The following PUDP variants were observed in gnomAD, a reference collection of about 807,000 sequenced individuals.
PUDP encodes the protein pseudouridine 5'-phosphatase.
Under a neutral mutation model 9.4 loss-of-function variants are expected in PUDP, and 8 were observed. The ratio of observed to expected loss-of-function variants is 0.85; its 90% CI spans 0.50 to 1.53. The LOEUF is 1.53. Among genes scored for constraint, PUDP ranks in the 40% most tolerant of loss-of-function variants. The probability of loss-of-function intolerance (pLI) is 0.00; values close to 1 mark genes in which losing one functional copy is unlikely to be tolerated. For missense variants in PUDP, 188 were observed against 189.7 expected (o/e 0.99, Z 0.05); for synonymous variants, 99 against 80.7 (o/e 1.23, Z -1.22).
Position 6,955,288 on chromosome X carries a change from G to A in PUDP, c.*247+21845C>T, listed in dbSNP as rs1209645780. Among the ~76,000 whole-genome samples, 4 of 107,890 alleles carry A rather than the reference G, an allele frequency of 3.7e-5. No individual in the cohort carries two copies. In the East Asian group the frequency reaches 8.7e-4, roughly 23 times the overall value. The allele number at this position is 107,890 out of a possible 115,157, so 93.7% of individuals were successfully genotyped here. On this transcript the variant is annotated intron_variant and NMD_transcript_variant, in intron 3 of 3. Coordinates refer to the PUDP transcript ENST00000655425. ...CAGGCTAGAGTGCAGTGGCATGATCGTTGCTCACTGCATCCTCCAACTCCT... is the reference window on the plus strand; with the variant it reads ...CAGGCTAGAGTGCAGTGGCATGATCATTGCTCACTGCATCCTCCAACTCCT...
intron 3 of PUDP, among the ~76,000 whole-genome samples, chrX:6,826,581 C>G (rs1392576437): frequency 1.8e-5 from 2 of 111,851 alleles, no homozygotes; most frequent in Non-Finnish European, 3.8e-5. Context: ...CCACACTAAA[C>G]TTATATAGAT....
intron 3 of PUDP, among the ~76,000 whole-genome samples, chrX:6,945,309 A>C (rs2146778962): frequency 8.9e-6 from 1 of 112,146 alleles, no homozygotes; most frequent in South Asian, 3.7e-4. Flanking sequence ...ACAAAGTTGA[A>C]GGAGAGACTT....
chrX:6,996,405 C>T (rs1929250191), intron 1 of PUDP, among the ~76,000 whole-genome samples: 1 of 110,602 alleles, frequency 9.0e-6, no homozygotes, highest in Non-Finnish European at 1.9e-5. Flanking sequence ...GGGAATCATT[C>T]CAACTTCCAA....
At chrX:6,912,067 G>A (rs1246828206) in intron 3 of PUDP, among the ~76,000 whole-genome samples, 1 of 111,271 alleles carries the variant, frequency 9.0e-6, no homozygotes, top group Admixed American at 9.6e-5. Flanking sequence ...TGAAGTTATG[G>A]GTCAAATGGA....
chrX:6,938,793 T>C (rs1928353509), intron 3 of PUDP, among the ~76,000 whole-genome samples: 1 of 103,572 alleles, frequency 9.7e-6, no homozygotes, highest in Non-Finnish European at 2.0e-5. Context: ...TTTCTTTTTT[T>C]TTTTTTTTTT....
intron 1 of PUDP, among the ~76,000 whole-genome samples, chrX:6,992,341 C>T (rs1183037593): frequency 1.3e-4 from 10 of 76,713 alleles, no homozygotes; most frequent in Admixed American, 1.5e-4. Context: ...GGCGCAATCT[C>T]GGCTCACTGC....
chrX:7,136,236 T>C (rs1404255881), intron 1 of PUDP, among the ~76,000 whole-genome samples: 3 of 111,959 alleles, frequency 2.7e-5, no homozygotes, highest in African/African-American at 9.8e-5. Flanking sequence ...CCAGATGGAT[T>C]CAGGTTAACC....
At chrX:6,905,996 T>A (rs182357943) in intron 3 of PUDP, among the ~76,000 whole-genome samples, 1 of 112,121 alleles carries the variant, frequency 8.9e-6, no homozygotes, top group Non-Finnish European at 1.9e-5. Flanking sequence ...CAGGAAGTAA[T>A]CTTCATGTTC....
intron 3 of PUDP, among the ~76,000 whole-genome samples, chrX:6,881,697 C>A (rs1927348059): frequency 9.0e-6 from 1 of 111,032 alleles, no homozygotes; most frequent in Non-Finnish European, 1.9e-5. Flanking sequence ...CTGGTGATGC[C>A]ACCTGGGTTT....
rs748720329 is a variant in PUDP at position 6,708,361 on chromosome X, C to T, written n.129-1895G>A. Among the ~76,000 whole-genome samples the T allele has an allele frequency of 1.6e-4, 18 of 111,544 alleles. No homozygotes were observed. In the South Asian group the frequency reaches 5.3e-3, roughly 33 times the overall value. ...CAGGGTAGAAAAAGCCTCTGCAGCC[C>T]GAGGTAGGACACTTGGTGTCTCCCT... On this transcript the variant is annotated intron_variant and non_coding_transcript_variant, in intron 1 of 2. Transcript: ENST00000438499.
intron 3 of PUDP, among the ~76,000 whole-genome samples, chrX:6,895,064 T>C (rs1315231648): frequency 9.1e-6 from 1 of 110,381 alleles, no homozygotes; most frequent in Non-Finnish European, 1.9e-5. Context: ...AGAGAGAAAG[T>C]GCAGGAATCT....
intron 1 of PUDP, among the ~76,000 whole-genome samples, chrX:6,713,882 A>G (rs1026163): frequency 0.29 from 32,021 of 109,464 alleles, 3,767 homozygotes; most frequent in Non-Finnish European, 0.36. Flanking sequence ...AGAGTCTCCA[A>G]TGGTTTAGAA....
intron 3 of PUDP, among the ~76,000 whole-genome samples, chrX:7,075,631 C>T (rs756734186): frequency 8.1e-5 from 9 of 111,794 alleles, no homozygotes; most frequent in South Asian, 7.5e-4. Context: ...CTCACACCTA[C>T]GTAAGAAAGC....
At chrX:6,791,938 G>C (rs1925756259) in intron 3 of PUDP, among the ~76,000 whole-genome samples, 1 of 111,704 alleles carries the variant, frequency 9.0e-6, no homozygotes, top group Non-Finnish European at 1.9e-5. Context: ...ATAATAAAAT[G>C]TTGAGAAAAA....
At chrX:7,089,780 A>G (rs1263038496) in intron 2 of PUDP, among the ~76,000 whole-genome samples, 1 of 111,982 alleles carries the variant, frequency 8.9e-6, no homozygotes, top group Non-Finnish European at 1.9e-5. Context: ...TAAAGGCTTC[A>G]CACATATACC....
At chrX:6,913,346 C>G (rs931843222) in intron 3 of PUDP, among the ~76,000 whole-genome samples, 50 of 111,822 alleles carry the variant, frequency 4.5e-4, no homozygotes, top group African/African-American at 1.6e-3. Flanking sequence ...ATCTACAAAA[C>G]TTACTAATTT....
chrX:7,012,433 G>A (rs1929490128), intron 1 of PUDP, among the ~76,000 whole-genome samples: 1 of 112,005 alleles, frequency 8.9e-6, no homozygotes. Flanking sequence ...AGATCCCCTT[G>A]GCTCCACAAG....
At chrX:6,839,267 C>T (rs1195983705) in intron 3 of PUDP, among the ~76,000 whole-genome samples, 1 of 111,593 alleles carries the variant, frequency 9.0e-6, no homozygotes, top group Non-Finnish European at 1.9e-5. Flanking sequence ...TGTAATATCT[C>T]CCGTTTCTGT....
chrX:6,829,945 T>A (rs1440763069), intron 3 of PUDP, among the ~76,000 whole-genome samples: 2 of 110,364 alleles, frequency 1.8e-5, no homozygotes, highest in Non-Finnish European at 3.8e-5. Context: ...AGCTGAGGGA[T>A]TCACCACATT....
Sources: allele counts gnomAD v4.1 joint callset (sites outside exome capture counted in the v4.1 genomes callset), GRCh38; gene constraint gnomAD v4.1.1; transcripts MANE v1.5; gene names NCBI Gene and HGNC (gene_info 2026-07-23, HGNC 2026-07-21).